The following SPTBN2 variants were observed in gnomAD, a reference collection of about 807,000 sequenced individuals.
The protein encoded by SPTBN2 is spectrin beta, non-erythrocytic 2.
In SPTBN2, 107 loss-of-function variants were observed where a neutral mutation model predicts 284.2. The ratio of observed to expected loss-of-function variants is 0.38; its 90% CI spans 0.32 to 0.44. The LOEUF (loss-of-function observed/expected upper bound fraction) is 0.44, where lower values mean the gene tolerates loss of function less well. Ranked by LOEUF, SPTBN2 falls within the 20% of genes least tolerant of loss-of-function variation. The pLI, the probability that SPTBN2 is intolerant of heterozygous loss-of-function variation, is 1.00. For missense variants in SPTBN2, 2,569 were observed against 3,287.1 expected, an observed-to-expected ratio of 0.78 and a Z score of 5.34; for synonymous variants, 1,289 against 1,354.8, an observed-to-expected ratio of 0.95 and a Z score of 1.07.
chr11:66,685,647 G>A lies in SPTBN2; in HGVS notation c.*224C>T. 2 of 567,300 alleles carry A rather than the reference G, an allele frequency of 3.5e-6. No individual in the cohort carries two copies. Among genetic ancestry groups the A allele is most frequent in the Non-Finnish European group, 6.4e-6 (2 of 314,100 alleles). 35.1% of individuals were successfully genotyped at this position (567,300 alleles called of 1,614,324 possible). A position where few individuals can be genotyped will look rare whatever the true frequency, so the allele number is the denominator to read the frequency against. Reference sequence around the variant, plus strand: ...GGAGAAGTCGGCGGGGGTGGGAGAGGGGGTTACCTGGGTCCCACCACCAGT... The same window carrying A: ...GGAGAAGTCGGCGGGGGTGGGAGAGAGGGTTACCTGGGTCCCACCACCAGT... On this transcript the variant is annotated 3_prime_UTR_variant, in exon 38 of 38. Transcript: ENST00000533211. The surrounding 1 kb of genome is among the most constrained non-coding windows in gnomAD (Gnocchi z 4.4).
At position 66,687,873 on chromosome 11, in the gene SPTBN2, C is replaced by T. The variant is rs761473238; in HGVS notation, c.6496G>A (p.Gly2166Arg). The T allele has an allele frequency of 1.9e-6, 3 of 1,614,068 alleles. No individual in the cohort carries two copies. In the East Asian group the frequency reaches 6.7e-5, roughly 36 times the overall value. Residue 2166 changes from glycine to arginine, a missense_variant, in exon 34 of 38, where the codon GGG becomes AGG. Coordinates refer to ENST00000533211, the MANE Select transcript of SPTBN2 (RefSeq NM_006946.4). This position sits in a 1 kb window ranked among gnomAD's most constrained non-coding sequence, Gnocchi z 5.2. ...QRLEHSSFPEGPGPGSGDEAN... is the reference protein window; with the variant it reads ...QRLEHSSFPERPGPGSGDEAN... ...ACACTTGCAGGGGAACTCACCGGCCCTTCGGGGAAGCTGCTGTGCTCAAGT... is the reference window on the plus strand; with the variant it reads ...ACACTTGCAGGGGAACTCACCGGCCTTTCGGGGAAGCTGCTGTGCTCAAGT...
intron 10 of SPTBN2, among the ~76,000 whole-genome samples, chr11:66,709,978 C>T (rs572586689): frequency 1.2e-4 from 18 of 152,336 alleles, no homozygotes; most frequent in Admixed American, 3.9e-4. Flanking sequence ...TGCCATGACA[C>T]CTGATCAGTA....
At chr11:66,714,203 G>A (rs376904404) in intron 6 of SPTBN2, 32 bp from the exon 7 acceptor site, 8 of 1,611,716 alleles carry the variant, frequency 5.0e-6, no homozygotes, top group African/African-American at 1.3e-5. Flanking sequence ...ATGGTGAGTA[G>A]GGCTGAGCTC....
intron 13 of SPTBN2, among the ~76,000 whole-genome samples, chr11:66,706,412 C>T (rs1941561886): frequency 6.6e-6 from 1 of 152,210 alleles, no homozygotes; most frequent in South Asian, 2.1e-4. Flanking sequence ...TTCACTGCAA[C>T]CTCCACCTCC....
At chr11:66,713,945 G>A in intron 7 of SPTBN2, 146 bp downstream of exon 7, 2 of 932,712 alleles carry the variant, frequency 2.1e-6, no homozygotes, top group Non-Finnish European at 1.7e-6. Context: ...GCGCAGCCCT[G>A]CACCCCCATG....
chr11:66,705,340 A>C lies in SPTBN2; in HGVS notation c.1936T>G (p.Phe646Val). 6.2e-7 allele frequency: 1 copy of C among 1,610,864 alleles called. No individual in the cohort carries two copies. The highest frequency in any genetic ancestry group is 1.1e-5 in the South Asian group (1 of 91,062). The change falls in exon 15 of 38, where the codon TTC becomes GTC. Residue 646 changes from phenylalanine (F) to valine (V), a missense_variant. Coordinates refer to ENST00000533211, the MANE Select transcript of SPTBN2 (RefSeq NM_006946.4). ...TCAGCTTCACCCACCTCCCAGAGGAAACGCCAGAGCCGCCGTGATTCCTCC... is the reference window on the plus strand; with the variant it reads ...TCAGCTTCACCCACCTCCCAGAGGACACGCCAGAGCCGCCGTGATTCCTCC... ...RLEESRRLWR[F>V]LWEVGEAEAW...
chr11:66,707,524 C>T lies in SPTBN2; in HGVS notation c.1645G>A (p.Glu549Lys), dbSNP rs1728457311. The change falls in exon 13 of 38, where the codon GAG becomes AAG. Residue 549 changes from glutamate to lysine, a missense_variant. Physicochemically the swap from Glu to Lys is moderately conservative, Grantham distance 56. Transcript: ENST00000533211. This position sits in a 1 kb window ranked among gnomAD's most constrained non-coding sequence, Gnocchi z 4.9. ...DLLYLMDWME[E>K]MKGRLQSQDL... ...GCACGCCTCACTGGTACCTTCATCT[C>T]TTCCATCCAGTCCATGAGGTAGAGC... The T allele has an allele frequency of 1.9e-6, 3 of 1,604,184 alleles. No homozygotes were observed. The highest frequency in any genetic ancestry group is 2.6e-6 in the Non-Finnish European group (3 of 1,175,956).
Position 66,705,116 on chromosome 11 carries a change from G to A in SPTBN2, c.2160C>T (p.Ala720=). Residue 720 remains alanine (A), a synonymous_variant, in exon 15 of 38, where the codon GCC becomes GCT. Transcript: ENST00000533211. ...ACTGGGCTTGGAGTTCAGCTGCACG[G>A]GCAGAGGCCTGGCTTGCCCCAGGGT... ...EGHPGASQAS[A]RAAELQAQWE... The A allele has an allele frequency of 6.4e-7, 1 of 1,551,774 alleles. No individual in the cohort carries two copies. The highest frequency in any genetic ancestry group is 1.7e-4 in the Middle Eastern group (1 of 5,952).
rs370281316 is a variant in SPTBN2, at chr11:66,713,312, AT to A, written c.772+318del. 2.2e-4 allele frequency among the ~76,000 whole-genome samples: 33 copies of A among 150,470 alleles called. 1 individual carries two copies. The highest frequency in any genetic ancestry group is 6.0e-4 in the Admixed American group (9 of 15,110). On this transcript the variant is annotated intron_variant, in intron 8 of 37. Coordinates refer to ENST00000533211, the MANE Select transcript of SPTBN2 (RefSeq NM_006946.4). ...AGTGGTTTTCAGTGTAAAGATATAT[AT>A]TTTTTTTGGGGGGGAGGGGTAGTCA...
At chr11:66,716,098 A>G (rs1049552554) in intron 3 of SPTBN2, 117 bp from the exon 4 acceptor site, 40 of 1,309,126 alleles carry the variant, frequency 3.1e-5, no homozygotes, top group Admixed American at 7.5e-5. Flanking sequence ...GGGGTCCTCT[A>G]AGGAGGAGGA....
Position 66,698,976 on chromosome 11 carries a change from C to A in SPTBN2, c.3867+16G>T. 1.9e-6 allele frequency: 3 copies of A among 1,613,958 alleles called. No homozygotes were observed. Among genetic ancestry groups the A allele is most frequent in the Middle Eastern group, 1.7e-4 (1 of 6,020 alleles). On this transcript the variant is annotated intron_variant, in intron 19 of 37. Transcript: ENST00000533211. ...GGGATGGCTAGGGAATATCCCGGGG[C>A]CCCAGGGAGCCTCACCTCGTGACAA... is the stretch of plus-strand genomic sequence containing the variant.
At chr11:66,723,521 G>T (rs1554992265) in intron 1 of SPTBN2, among the ~76,000 whole-genome samples, 1 of 152,098 alleles carries the variant, frequency 6.6e-6, no homozygotes, top group Non-Finnish European at 1.5e-5. Context: ...GAAGGTCAGG[G>T]TTGTCTGCCC....
rs767892753 is a variant in SPTBN2 at position 66,714,147 on chromosome 11, G to A, written c.600C>T (p.Asn200=). Residue 200 remains asparagine, a synonymous_variant, in exon 7 of 38, where the codon AAC becomes AAT. Coordinates refer to ENST00000533211, the MANE Select transcript of SPTBN2 (RefSeq NM_006946.4). ...GTCCATCTCTCCAGCTGGTGGTGAAGTTGTGTACATTGACGTTGGGATAAC... is the reference window on the plus strand; with the variant it reads ...GTCCATCTCTCCAGCTGGTGGTGAAATTGTGTACATTGACGTTGGGATAAC... ...TAGYPNVNVH[N]FTTSWRDGLA... is the part of the protein sequence containing the mutation. The A allele has an allele frequency of 6.2e-7, 1 of 1,614,234 alleles. No homozygotes were observed.
At chr11:66,720,647 G>C (rs1942353966) in intron 3 of SPTBN2, among the ~76,000 whole-genome samples, 1 of 152,188 alleles carries the variant, frequency 6.6e-6, no homozygotes, top group African/African-American at 2.4e-5. Flanking sequence ...GAAGGAACAG[G>C]TGGAGAGGGA....
chr11:66,732,663 A>G (rs2135604641), upstream of SPTBN2, among the ~76,000 whole-genome samples: 1 of 150,756 alleles, frequency 6.6e-6, no homozygotes, highest in East Asian at 2.0e-4. Context: ...AAAAAAAAAA[A>G]AAAAAAAAAT....
At chr11:66,698,484 AC>A (rs749752595) in intron 20 of SPTBN2, among the ~76,000 whole-genome samples, 154 bp downstream of exon 20, 3 of 152,216 alleles carry the variant, frequency 2.0e-5, no homozygotes, top group Non-Finnish European at 2.9e-5. Context: ...TCCAACAAAG[AC>A]GTTTGTTTCC....
chr11:66,715,258 G>A lies in SPTBN2; in HGVS notation c.447C>T (p.Thr149=). 8 of 1,614,198 alleles carry A rather than the reference G, an allele frequency of 5.0e-6. No individual in the cohort carries two copies. Among genetic ancestry groups the A allele is most frequent in the Non-Finnish European group, 6.8e-6 (8 of 1,180,046 alleles). Residue 149 remains threonine, a synonymous_variant, in exon 5 of 38, where the codon ACC becomes ACT. Transcript: ENST00000533211. This position sits in a 1 kb window ranked among gnomAD's most constrained non-coding sequence, Gnocchi z 5.3. ...HDIVDGNHRL[T]LGLVWTIILR... is the part of the protein sequence containing the mutation. Reference sequence around the variant, plus strand: ...GGATGATGGTCCAGACCAGCCCAAGGGTCAGTCGGTGGTTTCCGTCCACAA... The same window carrying A: ...GGATGATGGTCCAGACCAGCCCAAGAGTCAGTCGGTGGTTTCCGTCCACAA...
intron 26 of SPTBN2, 111 bp downstream of exon 26, chr11:66,692,425 G>T (rs1032962667): frequency 3.0e-6 from 4 of 1,317,232 alleles, no homozygotes; most frequent in East Asian, 4.7e-5. Context: ...GCTCAGCCTG[G>T]TCTTGCCCCT....
rs905888346 is a variant in SPTBN2 at position 66,713,737 on chromosome 11, C to A, written c.666G>T (p.Leu222=). Residue 222 remains leucine, a synonymous_variant, in exon 8 of 38, where the codon CTG becomes CTT. Transcript: ENST00000533211. ...ACTTCTTCAGAGACTCAAAATCCAG[C>A]AGGTCTGGCCTGGGTGGGGAGGCAA... The part of the protein sequence containing the change: ...NAIVHKHRPD[L]LDFESLKKCN... 3 of 1,613,604 alleles carry A rather than the reference C, an allele frequency of 1.9e-6. No homozygotes were observed. The highest frequency in any genetic ancestry group is 2.7e-5 in the African/African-American group (2 of 75,034).
Sources: allele counts gnomAD v4.1 joint callset (sites outside exome capture counted in the v4.1 genomes callset), GRCh38; gene constraint gnomAD v4.1.1; non-coding constraint Gnocchi (gnomAD v3.1); transcripts MANE v1.5; gene names NCBI Gene and HGNC (gene_info 2026-07-23, HGNC 2026-07-21).